SELENOT: variants seen among roughly 807,000 people sequenced by gnomAD.
The protein encoded by SELENOT is selenoprotein T, also known as thioredoxin reductase-like selenoprotein T.
SELENOT carries 9 observed loss-of-function variants against 24.3 expected under a neutral mutation model. The ratio of observed to expected loss-of-function variants is 0.37; its 90% CI spans 0.22 to 0.65. The LOEUF (loss-of-function observed/expected upper bound fraction) is 0.65, where lower values mean the gene tolerates loss of function less well. Among genes scored for constraint, SELENOT ranks in the 30% least tolerant of loss-of-function variants. The pLI, the probability that SELENOT is intolerant of heterozygous loss-of-function variation, is 0.60. For missense variants in SELENOT, 166 were observed against 247.6 expected (o/e 0.67, Z 2.21); for synonymous variants, 81 against 86.0 (o/e 0.94, Z 0.32).
At chr3:150,608,120 G>A (rs992226692) in intron 1 of SELENOT, among the ~76,000 whole-genome samples, 1 of 152,144 alleles carries the variant, frequency 6.6e-6, no homozygotes, top group African/African-American at 2.4e-5. Context: ...TGAGTTCTGT[G>A]GTGATGCTAT....
chr3:150,626,760 T>C (rs1197466863), intron 4 of SELENOT, among the ~76,000 whole-genome samples: 2 of 152,210 alleles, frequency 1.3e-5, no homozygotes, highest in African/African-American at 4.8e-5. Flanking sequence ...GCCTTGTGTA[T>C]ATGTCCCTCC....
At chr3:150,604,185 T>TC (rs1251808590) in intron 1 of SELENOT, among the ~76,000 whole-genome samples, 1 of 152,210 alleles carries the variant, frequency 6.6e-6, no homozygotes, top group Non-Finnish European at 1.5e-5. Context: ...CTCACCTGCC[T>TC]CCCAGGAGTT....
chr3:150,608,553 C>T (rs1375538274), intron 1 of SELENOT, among the ~76,000 whole-genome samples: 4 of 151,916 alleles, frequency 2.6e-5, no homozygotes, highest in Admixed American at 6.6e-5. Context: ...GGATTGCTTG[C>T]GGCCAGGAGT....
intron 1 of SELENOT, among the ~76,000 whole-genome samples, chr3:150,607,518 G>C (rs537209585): frequency 2.2e-4 from 33 of 152,202 alleles, no homozygotes; most frequent in Non-Finnish European, 4.4e-4. Context: ...CAGTGCTCTC[G>C]TGGACTTCAC....
At chr3:150,610,860 G>T (rs571236326) in intron 1 of SELENOT, among the ~76,000 whole-genome samples, 6 of 152,100 alleles carry the variant, frequency 3.9e-5, no homozygotes, top group Admixed American at 2.0e-4. Flanking sequence ...TGTATTGCAG[G>T]TGTCATCCTA....
chr3:150,627,272 A>G, intron 5 of SELENOT, 109 bp downstream of exon 5: 2 of 841,622 alleles, frequency 2.4e-6, no homozygotes. Flanking sequence ...TTTAAGATTA[A>G]ACAGAGGGAT....
chr3:150,619,356 C>A (rs1726289590), intron 1 of SELENOT, among the ~76,000 whole-genome samples: 1 of 151,460 alleles, frequency 6.6e-6, no homozygotes. Context: ...ATGGTGAAAC[C>A]CCATCTCTAC....
chr3:150,603,539 T>C (rs755699904), intron 1 of SELENOT, 40 bp downstream of exon 1: 66 of 1,543,544 alleles, frequency 4.3e-5, no homozygotes, highest in Non-Finnish European at 5.5e-5. Context: ...CCGCCGCGCC[T>C]CTGCTCGGCG....
rs545288505 is a variant in SELENOT at position 150,603,822 on chromosome 3, T to C, written c.137+323T>C. 29 of 210,316 alleles carry C rather than the reference T, an allele frequency of 1.4e-4. No individual in the cohort carries two copies. The Admixed American group carries it at 1.5e-3, about 11-fold the overall frequency. The allele number at this position is 210,316 out of a possible 1,614,324, so 13.0% of individuals were successfully genotyped here. A position where few individuals can be genotyped will look rare whatever the true frequency, so the allele number is the denominator to read the frequency against. ...AGGACTGGTTGGCGGCGTCACGCCA[T>C]AGCCACCCCGGCTGCCTGCGGAGAT... On this transcript the variant is annotated intron_variant, in intron 1 of 5. Coordinates refer to ENST00000471696, the MANE Select transcript of SELENOT (RefSeq NM_016275.5).
intron 4 of SELENOT, among the ~76,000 whole-genome samples, chr3:150,626,257 G>T (rs1444093741): frequency 6.6e-6 from 1 of 152,182 alleles, no homozygotes; most frequent in Non-Finnish European, 1.5e-5. Context: ...TTGTTCTCAA[G>T]ATAAAGACCA....
In SELENOT at chr3:150,622,367, A is replaced by G. The variant is rs374746292; in HGVS notation, c.138-18A>G. The stretch of plus-strand genomic sequence containing the variant: ...ATGTATGCTAAATGACTTAATGGAA[A>G]CACTTATTTTTCTGCAGTGTTTCCT... On this transcript the variant is annotated intron_variant, in intron 1 of 5. Coordinates refer to ENST00000471696, the MANE Select transcript of SELENOT (RefSeq NM_016275.5). 3 of 1,266,444 alleles carry G rather than the reference A, an allele frequency of 2.4e-6. No individual in the cohort carries two copies. The highest frequency in any genetic ancestry group is 3.2e-6 in the Non-Finnish European group (3 of 950,198). 78.5% of individuals were successfully genotyped at this position (1,266,444 alleles called of 1,614,324 possible).
intron 1 of SELENOT, among the ~76,000 whole-genome samples, chr3:150,617,298 A>T (rs562064269): frequency 9.9e-5 from 15 of 152,264 alleles, no homozygotes; most frequent in Non-Finnish European, 1.2e-4. Context: ...CTAAAAAAAA[A>T]TTTTTGTTTT....
intron 1 of SELENOT, among the ~76,000 whole-genome samples, chr3:150,613,950 C>T (rs1726155472): frequency 7.4e-6 from 1 of 134,500 alleles, no homozygotes; most frequent in South Asian, 2.2e-4. Context: ...ACCCTGGCCA[C>T]AGGAGAAAGC....
At chr3:150,605,649 A>C (rs1380279226) in intron 1 of SELENOT, among the ~76,000 whole-genome samples, 1 of 151,486 alleles carries the variant, frequency 6.6e-6, no homozygotes, top group Non-Finnish European at 1.5e-5. Flanking sequence ...TTTTTTGTTT[A>C]ATCTGTAGAT....
At chr3:150,623,849 G>T (rs1226774936) in intron 3 of SELENOT, among the ~76,000 whole-genome samples, 1 of 151,954 alleles carries the variant, frequency 6.6e-6, no homozygotes, top group East Asian at 1.9e-4. Context: ...TCTAAAATGG[G>T]TCTAATTTTT....
In SELENOT at chr3:150,611,805, G is replaced by A. The variant is rs369700624; in HGVS notation, c.137+8306G>A. 66 of 1,020,102 alleles carry A rather than the reference G, an allele frequency of 6.5e-5. No homozygotes were observed. In the East Asian group the frequency reaches 9.5e-4, roughly 15 times the overall value. 63.2% of individuals were successfully genotyped at this position (1,020,102 alleles called of 1,614,324 possible). On this transcript the variant is annotated intron_variant, in intron 1 of 5. Coordinates refer to ENST00000471696, the MANE Select transcript of SELENOT (RefSeq NM_016275.5). Reference sequence around the variant, plus strand: ...CCCGGCCCCTCAGCCCCGATTTCCCGGACGAGGCACTGGCGACCACAGCGG... The same window carrying A: ...CCCGGCCCCTCAGCCCCGATTTCCCAGACGAGGCACTGGCGACCACAGCGG...
rs533559605 is a variant in SELENOT, at chr3:150,615,558, GACAA to G, written c.138-6823_138-6820del. On this transcript the variant is annotated intron_variant, in intron 1 of 5. Coordinates refer to ENST00000471696, the MANE Select transcript of SELENOT (RefSeq NM_016275.5). ...TCAGATTTCCTATACACCAACAACA[GACAA>G]ACAGAGAGCCAAATCATGAGTGAAC... Among the ~76,000 whole-genome samples the G allele has an allele frequency of 2.4e-4, 37 of 152,254 alleles. 1 individual carries two copies. The highest frequency in any genetic ancestry group is 1.7e-3 in the South Asian group (8 of 4,818).
chr3:150,619,752 C>T (rs1408968830), intron 1 of SELENOT, among the ~76,000 whole-genome samples: 1 of 152,138 alleles, frequency 6.6e-6, no homozygotes, highest in Admixed American at 6.5e-5. Flanking sequence ...TAGCTCTTTA[C>T]CATGTATACC....
chr3:150,603,572 G>A, intron 1 of SELENOT, 73 bp downstream of exon 1: 1 of 1,467,494 alleles, frequency 6.8e-7, no homozygotes, highest in Non-Finnish European at 9.1e-7. Flanking sequence ...CGAGGCCCCG[G>A]CTTCGCGGCC....
Sources: allele counts gnomAD v4.1 joint callset (sites outside exome capture counted in the v4.1 genomes callset), GRCh38; gene constraint gnomAD v4.1.1; transcripts MANE v1.5; gene names NCBI Gene and HGNC (gene_info 2026-07-23, HGNC 2026-07-21).